LRP1B: variants seen among roughly 807,000 people sequenced by gnomAD.
LRP1B encodes low-density lipoprotein receptor-related protein 1B.
Under a neutral mutation model 556.6 loss-of-function variants are expected in LRP1B, and 217 were observed. That is an observed-to-expected ratio of 0.39 (90% CI 0.35 to 0.44). The LOEUF is 0.44. Among genes scored for constraint, LRP1B ranks in the 20% least tolerant of loss-of-function variants. The pLI is 1.00. For synonymous variants in LRP1B, 2,047 were observed against 1,865.8 expected, an observed-to-expected ratio of 1.10 and a Z score of -2.50; for missense variants, 5,053 against 5,620.8, an observed-to-expected ratio of 0.90 and a Z score of 3.23.
intron 18 of LRP1B, among the ~76,000 whole-genome samples, chr2:140,953,795 G>A (rs1695790257): frequency 6.6e-6 from 1 of 152,152 alleles, no homozygotes; most frequent in African/African-American, 2.4e-5. Context: ...AACTGAAACT[G>A]AGAGAAATTA....
At chr2:140,794,202 G>A (rs1690218958) in intron 32 of LRP1B, among the ~76,000 whole-genome samples, 1 of 151,932 alleles carries the variant, frequency 6.6e-6, no homozygotes, top group South Asian at 2.1e-4. Flanking sequence ...AAATTATTTG[G>A]AAATATCATT....
At chr2:141,582,829 T>A (rs982150341) in intron 2 of LRP1B, among the ~76,000 whole-genome samples, 5 of 42,236 alleles carry the variant, frequency 1.2e-4, no homozygotes, top group Non-Finnish European at 2.5e-4. Flanking sequence ...CTATTAAACT[T>A]TTTTTTTTTT....
chr2:141,820,146 T>C (rs1696706653), intron 1 of LRP1B, among the ~76,000 whole-genome samples: 1 of 152,186 alleles, frequency 6.6e-6, no homozygotes, highest in African/African-American at 2.4e-5. Context: ...TGAGATTCAG[T>C]GTTACCCTCC....
intron 7 of LRP1B, among the ~76,000 whole-genome samples, chr2:141,120,537 C>G (rs1243874882): frequency 6.6e-6 from 1 of 151,884 alleles, no homozygotes; most frequent in South Asian, 2.1e-4. Context: ...AATAGAAAAT[C>G]TTTTGTGAAA....
chr2:140,785,467 GT>G (rs1259782263), intron 32 of LRP1B, among the ~76,000 whole-genome samples: 1 of 152,050 alleles, frequency 6.6e-6, no homozygotes, highest in Non-Finnish European at 1.5e-5. Context: ...AAAAATACAA[GT>G]TAAGGGGACA....
chr2:142,118,780 T>C (rs536883327), intron 1 of LRP1B, among the ~76,000 whole-genome samples: 9 of 152,276 alleles, frequency 5.9e-5, no homozygotes, highest in African/African-American at 2.2e-4. Context: ...TCTGCTAAAG[T>C]ACACAGCAAA....
chr2:141,785,208 T>C (rs1471902253), intron 2 of LRP1B, among the ~76,000 whole-genome samples: 1 of 151,966 alleles, frequency 6.6e-6, no homozygotes, highest in Non-Finnish European at 1.5e-5. Context: ...AGTGATGACC[T>C]TGGAAACCAT....
At chr2:141,795,538 ATTG>A (rs1442348998) in intron 2 of LRP1B, among the ~76,000 whole-genome samples, 1 of 151,946 alleles carries the variant, frequency 6.6e-6, no homozygotes, top group African/African-American at 2.4e-5. Context: ...TGGTGATTCC[ATTG>A]TTATTATTTT....
chr2:141,152,470 G>A (rs944779187), intron 7 of LRP1B, among the ~76,000 whole-genome samples: 1 of 151,826 alleles, frequency 6.6e-6, no homozygotes, highest in African/African-American at 2.4e-5. Context: ...CCTAACAAAT[G>A]ACAAATATTC....
chr2:140,711,998 T>C (rs1439438762), intron 37 of LRP1B, among the ~76,000 whole-genome samples: 2 of 152,168 alleles, frequency 1.3e-5, no homozygotes, highest in African/African-American at 2.4e-5. Flanking sequence ...CAAACTGTAA[T>C]GGACACCGTC....
At chr2:141,443,998 A>C (rs1681085703) in intron 3 of LRP1B, among the ~76,000 whole-genome samples, 1 of 152,144 alleles carries the variant, frequency 6.6e-6, no homozygotes, top group Non-Finnish European at 1.5e-5. Context: ...TGGGTATAGC[A>C]CTGAATCTAT....
chr2:140,561,386 G>A (rs928324447), intron 43 of LRP1B, among the ~76,000 whole-genome samples: 3 of 152,024 alleles, frequency 2.0e-5, no homozygotes, highest in Non-Finnish European at 2.9e-5. Flanking sequence ...CTTCTTGTCC[G>A]ATCATATTTC....
At chr2:141,390,609 TG>T (rs1243948427) in intron 3 of LRP1B, among the ~76,000 whole-genome samples, 1 of 152,212 alleles carries the variant, frequency 6.6e-6, no homozygotes, top group Non-Finnish European at 1.5e-5. Flanking sequence ...TAAATAGGAA[TG>T]AAGTACTGAT....
At chr2:141,327,906 C>T (rs1293647986) in intron 3 of LRP1B, among the ~76,000 whole-genome samples, 1 of 137,882 alleles carries the variant, frequency 7.3e-6, no homozygotes, top group Admixed American at 7.1e-5. Context: ...GAGAGACAGA[C>T]CGACCGACCT....
intron 2 of LRP1B, among the ~76,000 whole-genome samples, chr2:141,671,672 A>G (rs1394120841): frequency 1.3e-5 from 2 of 152,118 alleles, no homozygotes; most frequent in East Asian, 3.8e-4. Context: ...CTGACCTTAA[A>G]CCATCACTCA....
intron 1 of LRP1B, among the ~76,000 whole-genome samples, chr2:141,855,032 A>G (rs13009181): frequency 0.19 from 28,378 of 151,958 alleles, 3,168 homozygotes; most frequent in Middle Eastern, 0.32. Flanking sequence ...GTGGCAGAAG[A>G]AAAAAATGAA....
intron 18 of LRP1B, among the ~76,000 whole-genome samples, chr2:140,974,770 C>T (rs1419926414): frequency 5.3e-5 from 8 of 152,114 alleles, no homozygotes; most frequent in African/African-American, 1.4e-4. Context: ...AGAGAGAAAC[C>T]GATATTTGGA....
At chr2:140,948,110 G>A (rs995418282) in intron 20 of LRP1B, among the ~76,000 whole-genome samples, 1 of 152,100 alleles carries the variant, frequency 6.6e-6, no homozygotes, top group Non-Finnish European at 1.5e-5. Flanking sequence ...AATATGTAAT[G>A]ATCGTTTAAA....
At chr2:141,610,178 G>T (rs111985488) in intron 2 of LRP1B, among the ~76,000 whole-genome samples, 78 of 145,314 alleles carry the variant, frequency 5.4e-4, no homozygotes, top group African/African-American at 1.8e-3. Flanking sequence ...ACCCTATTTC[G>T]TGGGGGGAGG....
Sources: allele counts gnomAD v4.1 joint callset (sites outside exome capture counted in the v4.1 genomes callset), GRCh38; gene constraint gnomAD v4.1.1; transcripts MANE v1.5; gene names NCBI Gene and HGNC (gene_info 2026-07-23, HGNC 2026-07-21).